The following TNRC6C variants were observed in gnomAD, a reference collection of about 807,000 sequenced individuals.
TNRC6C encodes trinucleotide repeat containing adaptor 6C, also known as trinucleotide repeat-containing gene 6C protein.
Under a neutral mutation model 153.7 loss-of-function variants are expected in TNRC6C, and 20 were observed. That is an observed-to-expected ratio of 0.13 (90% CI 0.09 to 0.19). TNRC6C has a LOEUF of 0.19. Ranked by LOEUF, TNRC6C falls within the 10% of genes least tolerant of loss-of-function variation. The pLI, the probability that TNRC6C is intolerant of heterozygous loss-of-function variation, is 1.00. For synonymous variants in TNRC6C, 811 were observed against 841.4 expected, an observed-to-expected ratio of 0.96 and a Z score of 0.63; for missense variants, 1,987 against 2,172.0, an observed-to-expected ratio of 0.91 and a Z score of 1.69.
intron 13 of TNRC6C, among the ~76,000 whole-genome samples, chr17:78,087,930 A>G (rs2073326003): frequency 6.6e-6 from 1 of 152,224 alleles, no homozygotes; most frequent in South Asian, 2.1e-4. Context: ...TGCATGGACT[A>G]ATTTGCCGTA....
chr17:78,002,347 T>C (rs1036645524), upstream of TNRC6C, among the ~76,000 whole-genome samples: 7 of 152,082 alleles, frequency 4.6e-5, no homozygotes, highest in African/African-American at 1.7e-4. Flanking sequence ...GCACTTATAG[T>C]CCAGAGGACA....
chr17:78,039,130 G>A (rs1310970445), intron 2 of TNRC6C, among the ~76,000 whole-genome samples: 1 of 152,208 alleles, frequency 6.6e-6, no homozygotes, highest in Non-Finnish European at 1.5e-5. Context: ...AGAGGCAGTA[G>A]GGACAAAAAC....
chr17:77,993,557 G>C (rs1367907863), intron 1 of TNRC6C, among the ~76,000 whole-genome samples: 2 of 152,144 alleles, frequency 1.3e-5, no homozygotes, highest in Admixed American at 1.3e-4. Context: ...ATCTCAGTTT[G>C]CTCCAGTAAT....
chr17:77,993,523 A>G (rs1413129823), intron 1 of TNRC6C, among the ~76,000 whole-genome samples: 2 of 152,228 alleles, frequency 1.3e-5, no homozygotes, highest in Non-Finnish European at 2.9e-5. Flanking sequence ...GTATGGGACT[A>G]TGCAGCTCAC....
intron 13 of TNRC6C, among the ~76,000 whole-genome samples, chr17:78,089,819 C>T (rs2073362670): frequency 6.6e-6 from 1 of 152,108 alleles, no homozygotes; most frequent in Non-Finnish European, 1.5e-5. Flanking sequence ...AAAGAGGAAG[C>T]CTTTCCAAAT....
rs182826760 is a variant in TNRC6C, at chr17:78,079,145, A to T, written c.3211-250A>T. 1.5e-4 allele frequency among the ~76,000 whole-genome samples: 22 copies of T among 150,766 alleles called. No homozygotes were observed. The East Asian group carries it at 4.1e-3, about 28-fold the overall frequency. The stretch of plus-strand genomic sequence containing the variant: ...GGGTCTGTAATCCCAGCTACTCGGG[A>T]GGCTGAGGCAGGAGAATCACTTGGA... On this transcript the variant is annotated intron_variant, in intron 9 of 19. Coordinates refer to ENST00000301624, the Ensembl canonical transcript of TNRC6C. The surrounding 1 kb of genome is among the most constrained non-coding windows in gnomAD (Gnocchi z 4.3).
At chr17:78,033,986 C>G (rs9899225) in intron 2 of TNRC6C, among the ~76,000 whole-genome samples, 14,473 of 152,212 alleles carry the variant, frequency 0.095, 1,873 homozygotes, top group African/African-American at 0.3. Flanking sequence ...CCGTTTTTCT[C>G]TCTGGCTGTG....
At chr17:78,014,570 C>T (rs2071694086) in intron 1 of TNRC6C, among the ~76,000 whole-genome samples, 2 of 150,996 alleles carry the variant, frequency 1.3e-5, no homozygotes, top group African/African-American at 4.9e-5. Flanking sequence ...TGAAATGATT[C>T]TTACTGTTTG....
intron 3 of TNRC6C, among the ~76,000 whole-genome samples, chr17:78,057,681 A>G (rs1598742214): frequency 6.6e-6 from 1 of 152,294 alleles, no homozygotes; most frequent in East Asian, 1.9e-4. Flanking sequence ...TGGTGTTTTT[A>G]GGTTTTATTC....
At chr17:78,052,838 C>A (rs1011670424) in intron 3 of TNRC6C, among the ~76,000 whole-genome samples, 2 of 152,202 alleles carry the variant, frequency 1.3e-5, no homozygotes, top group Non-Finnish European at 2.9e-5. Context: ...CCAGCTAACG[C>A]ATCAGTGTCA....
chr17:78,031,976 AT>A, intron 2 of TNRC6C, 134 bp downstream of exon 4: 1 of 765,182 alleles, frequency 1.3e-6, no homozygotes, highest in Non-Finnish European at 1.8e-6. Context: ...AATTCATTTC[AT>A]TTTAAGTGGG....
upstream of TNRC6C, among the ~76,000 whole-genome samples, chr17:78,000,635 C>CA (rs2071399677): frequency 7.7e-6 from 1 of 129,586 alleles, no homozygotes; most frequent in African/African-American, 3.1e-5. Flanking sequence ...CCCCCCCACA[C>CA]ACACACAAAT....
chr17:78,098,892 C>T (rs1439080629), intron 17 of TNRC6C, among the ~76,000 whole-genome samples: 1 of 152,216 alleles, frequency 6.6e-6, no homozygotes, highest in Non-Finnish European at 1.5e-5. Flanking sequence ...GCTCTCTGCC[C>T]CCATGACTCC....
chr17:78,056,712 G>A (rs2144090998), intron 3 of TNRC6C, among the ~76,000 whole-genome samples: 1 of 151,788 alleles, frequency 6.6e-6, no homozygotes, highest in South Asian at 2.1e-4. Context: ...TGATCAGCCA[G>A]CCTCGACCCC....
intron 3 of TNRC6C, among the ~76,000 whole-genome samples, chr17:78,061,646 A>G (rs2072770862): frequency 6.6e-6 from 1 of 152,190 alleles, no homozygotes; most frequent in Admixed American, 6.5e-5. Context: ...AAGAACAGCC[A>G]CTGCACTTCA....
intron 2 of TNRC6C, 35 bp downstream of exon 4, chr17:78,031,877 C>A: frequency 8.1e-7 from 1 of 1,231,706 alleles, no homozygotes; most frequent in South Asian, 4.1e-5. Context: ...TTGTTTTGAT[C>A]TGAAAACTTT....
At chr17:78,006,584 TC>T (rs2071516772) in intron 1 of TNRC6C, among the ~76,000 whole-genome samples, 1 of 147,286 alleles carries the variant, frequency 6.8e-6, no homozygotes, top group Non-Finnish European at 1.5e-5. Context: ...TCCTTCTTCT[TC>T]CTTCTTCCTT....
chr17:78,050,771 C>A, exon 3 of TNRC6C: 2 of 1,603,904 alleles, frequency 1.2e-6, no homozygotes, highest in Non-Finnish European at 8.5e-7. Context: ...AAGTCACCCA[C>A]CTGGGGTGAG....
Position 78,092,914 on chromosome 17 carries a change from T to A in TNRC6C, c.3971-19T>A. The stretch of plus-strand genomic sequence containing the variant: ...TGGAGAGTATTCACTCGCTTCTTTG[T>A]TTCCTATTGTCCCCATAGGTGCTAT... On this transcript the variant is annotated intron_variant, in intron 14 of 19. Transcript: ENST00000301624. 1.9e-6 allele frequency: 3 copies of A among 1,610,640 alleles called. No individual in the cohort carries two copies. Among genetic ancestry groups the A allele is most frequent in the Non-Finnish European group, 2.5e-6 (3 of 1,177,764 alleles).
Sources: allele counts gnomAD v4.1 joint callset (sites outside exome capture counted in the v4.1 genomes callset), GRCh38; gene constraint gnomAD v4.1.1; non-coding constraint Gnocchi (gnomAD v3.1); transcripts MANE v1.5; gene names NCBI Gene and HGNC (gene_info 2026-07-23, HGNC 2026-07-21).